Variants in KLHL29 observed in about 807,000 individuals in gnomAD.
The protein encoded by KLHL29 is kelch like family member 29.
Under a neutral mutation model 80.4 loss-of-function variants are expected in KLHL29, and 21 were observed. The ratio of observed to expected loss-of-function variants is 0.26; its 90% CI spans 0.19 to 0.38. The LOEUF is 0.38. Ranked by LOEUF, KLHL29 falls within the 10% of genes least tolerant of loss-of-function variation. KLHL29 has a pLI of 1.00. For synonymous variants in KLHL29, 511 were observed against 526.8 expected (o/e 0.97, Z 0.41); for missense variants, 867 against 1,223.9 (o/e 0.71, Z 4.35).
In KLHL29 at chr2:23,401,308, CT is replaced by C. The variant is rs1284127126; in HGVS notation, c.-154+15529del. ...AGAAAAAGTATTTATGCCGGTTTCCCTCTCTCCATTCAGAAACCGTACTCTA... is the reference window on the plus strand; with the variant it reads ...AGAAAAAGTATTTATGCCGGTTTCCCCTCTCCATTCAGAAACCGTACTCTA... On this transcript the variant is annotated intron_variant, in intron 1 of 13. Transcript: ENST00000486442. Among the ~76,000 whole-genome samples, 5 of 152,162 alleles carry C rather than the reference CT, an allele frequency of 3.3e-5. No individual in the cohort carries two copies. The South Asian group carries it at 1.0e-3, about 32-fold the overall frequency.
chr2:23,455,636 G>A (rs1445365999), intron 1 of KLHL29, among the ~76,000 whole-genome samples: 5 of 126,030 alleles, frequency 4.0e-5, no homozygotes, highest in African/African-American at 5.8e-5. Flanking sequence ...TTTTGAGACC[G>A]AGTCTCCATC....
chr2:23,589,406 G>A (rs979442808), intron 3 of KLHL29, among the ~76,000 whole-genome samples: 3 of 152,226 alleles, frequency 2.0e-5, no homozygotes, highest in Admixed American at 2.0e-4. Flanking sequence ...AGGTGGAGGC[G>A]GCCCTGGGCC....
At chr2:23,612,942 T>G (rs1488740056) in intron 3 of KLHL29, among the ~76,000 whole-genome samples, 4 of 151,898 alleles carry the variant, frequency 2.6e-5, no homozygotes, top group Non-Finnish European at 4.4e-5. Context: ...ACAACATATA[T>G]AGAGAGAAAT....
rs537762259 is a variant in KLHL29, at chr2:23,587,670, G to A, written c.285+25189G>A. Among the ~76,000 whole-genome samples, 45 of 152,320 alleles carry A rather than the reference G, an allele frequency of 3.0e-4. 1 individual carries two copies. The highest frequency in any genetic ancestry group is 8.9e-4 in the African/African-American group (37 of 41,574). ...TGTTTGCTGGCAGAATTCTAACTGC[G>A]CTGTGTCCTCCACGGCGTACGTGTC... is the stretch of plus-strand genomic sequence containing the variant. On this transcript the variant is annotated intron_variant, in intron 3 of 13. Coordinates refer to ENST00000486442, the MANE Select transcript of KLHL29 (RefSeq NM_052920.2).
At chr2:23,470,218 G>A (rs1019800656) in intron 1 of KLHL29, among the ~76,000 whole-genome samples, 4 of 152,158 alleles carry the variant, frequency 2.6e-5, no homozygotes, top group Non-Finnish European at 4.4e-5. Context: ...GTGCTGTGCT[G>A]GCCCAACAGG....
chr2:23,693,126 G>C, intron 7 of KLHL29, 143 bp from the exon 8 acceptor site: 1 of 967,082 alleles, frequency 1.0e-6, no homozygotes, highest in Non-Finnish European at 1.5e-6. Context: ...CACCCAGGAA[G>C]GGGGCCTGCA....
At chr2:23,576,496 TA>T (rs1395289669) in intron 3 of KLHL29, among the ~76,000 whole-genome samples, 2 of 152,156 alleles carry the variant, frequency 1.3e-5, no homozygotes, top group Admixed American at 1.3e-4. Flanking sequence ...ATAATGACAT[TA>T]AAAAGGCGTT....
rs895873600 is a variant in KLHL29, at chr2:23,682,042, T to G, written c.941-2357T>G. ...CACAGGCCCCACCCCACAACTGATC[T>G]TCTTGTTCCCTCCCTTCCTGATGTC... On this transcript the variant is annotated intron_variant, in intron 5 of 13. Coordinates refer to ENST00000486442, the MANE Select transcript of KLHL29 (RefSeq NM_052920.2). The surrounding 1 kb of genome is among the most constrained non-coding windows in gnomAD (Gnocchi z 4.1). Among the ~76,000 whole-genome samples, 4 of 151,606 alleles carry G rather than the reference T, an allele frequency of 2.6e-5. No individual in the cohort carries two copies. The highest frequency in any genetic ancestry group is 9.7e-5 in the African/African-American group (4 of 41,178).
chr2:23,497,322 C>T (rs980332619), intron 2 of KLHL29, among the ~76,000 whole-genome samples: 6 of 152,142 alleles, frequency 3.9e-5, no homozygotes, highest in Non-Finnish European at 8.8e-5. Flanking sequence ...TTCCTCTGTC[C>T]CTCCATGACT....
chr2:23,628,516 G>GTCA (rs1225329888), intron 3 of KLHL29, among the ~76,000 whole-genome samples: 2 of 152,158 alleles, frequency 1.3e-5, no homozygotes, highest in Non-Finnish European at 2.9e-5. Flanking sequence ...GCCAGGCATG[G>GTCA]TGGCTCACAC....
intron 2 of KLHL29, among the ~76,000 whole-genome samples, chr2:23,497,227 G>A (rs1338087459): frequency 6.6e-6 from 1 of 152,134 alleles, no homozygotes; most frequent in Non-Finnish European, 1.5e-5. Context: ...ACTTGAAAAC[G>A]GGATGAAAGT....
At chr2:23,519,189 A>G (rs972227213) in intron 2 of KLHL29, among the ~76,000 whole-genome samples, 18 of 152,260 alleles carry the variant, frequency 1.2e-4, no homozygotes, top group African/African-American at 4.1e-4. Context: ...CTCCCTAGGT[A>G]AACTGACACT....
intron 2 of KLHL29, among the ~76,000 whole-genome samples, chr2:23,523,713 G>C (rs750791757): frequency 6.6e-6 from 1 of 152,200 alleles, no homozygotes; most frequent in Admixed American, 6.5e-5. Context: ...GGCCACAGTC[G>C]TAGGAGCTGG....
chr2:23,432,189 A>T (rs935202437), intron 1 of KLHL29, among the ~76,000 whole-genome samples: 3 of 152,162 alleles, frequency 2.0e-5, no homozygotes, highest in African/African-American at 7.2e-5. Flanking sequence ...TGCTTTTTTC[A>T]CTTAGAGAAT....
intron 3 of KLHL29, among the ~76,000 whole-genome samples, chr2:23,608,095 C>G (rs776071390): frequency 6.6e-6 from 1 of 152,150 alleles, no homozygotes; most frequent in Non-Finnish European, 1.5e-5. Flanking sequence ...AGTAGTTGAC[C>G]CAAAATGTCA....
intron 2 of KLHL29, among the ~76,000 whole-genome samples, chr2:23,484,364 C>A (rs1372351505): frequency 6.6e-6 from 1 of 152,196 alleles, no homozygotes; most frequent in African/African-American, 2.4e-5. Context: ...TGATGTGTTG[C>A]AACTCATTTA....
At position 23,615,509 on chromosome 2, in the gene KLHL29, G is replaced by A. The variant is rs559381248; in HGVS notation, c.286-23630G>A. Reference sequence around the variant, plus strand: ...TGAGTCAGCCTGTAGAAAGGGGTGCGGTGGCCAGGGAGGACGTCCCCGGGC... The same window carrying A: ...TGAGTCAGCCTGTAGAAAGGGGTGCAGTGGCCAGGGAGGACGTCCCCGGGC... On this transcript the variant is annotated intron_variant, in intron 3 of 13. Coordinates refer to ENST00000486442, the MANE Select transcript of KLHL29 (RefSeq NM_052920.2). Among the ~76,000 whole-genome samples, 16 of 152,176 alleles carry A rather than the reference G, an allele frequency of 1.1e-4. No homozygotes were observed. The South Asian group carries it at 2.9e-3, about 28-fold the overall frequency.
chr2:23,468,000 T>C (rs1231517173), intron 1 of KLHL29, among the ~76,000 whole-genome samples: 1 of 151,972 alleles, frequency 6.6e-6, no homozygotes, highest in Non-Finnish European at 1.5e-5. Context: ...ACTATAGGTA[T>C]TTTGTTCTTC....
intron 5 of KLHL29, among the ~76,000 whole-genome samples, chr2:23,670,811 C>CCAGAGAACCAGGGG (rs1220023347): frequency 1.3e-5 from 2 of 151,600 alleles, no homozygotes; most frequent in Admixed American, 6.6e-5. Flanking sequence ...AGGGGTGGGC[C>CCAGAGAACCAGGGG]CAGAGAACCA....
Sources: allele counts gnomAD v4.1 joint callset (sites outside exome capture counted in the v4.1 genomes callset), GRCh38; gene constraint gnomAD v4.1.1; non-coding constraint Gnocchi (gnomAD v3.1); transcripts MANE v1.5; gene names NCBI Gene and HGNC (gene_info 2026-07-23, HGNC 2026-07-21).